The following CDH18 variants were observed in gnomAD, a reference collection of about 807,000 sequenced individuals.
CDH18 encodes cadherin 18.
CDH18 carries 31 observed loss-of-function variants against 67.9 expected under a neutral mutation model. The observed-to-expected ratio is 0.46, with a 90% CI of 0.34 to 0.62. The LOEUF (loss-of-function observed/expected upper bound fraction) is 0.62, where lower values mean the gene tolerates loss of function less well. Ranked by LOEUF, CDH18 falls within the 20% of genes least tolerant of loss-of-function variation. CDH18 has a pLI of 0.01. For missense variants in CDH18, 890 were observed against 975.5 expected (o/e 0.91, Z 1.17); for synonymous variants, 362 against 347.2 (o/e 1.04, Z -0.48).
chr5:20,293,807 T>C (rs2063230), intron 1 of CDH18, among the ~76,000 whole-genome samples: 17,776 of 152,178 alleles, frequency 0.12, 1,572 homozygotes, highest in African/African-American at 0.24. Flanking sequence ...TAGTGTATTA[T>C]AAAATATGAA....
chr5:20,024,058 A>G (rs1738675405), intron 2 of CDH18, among the ~76,000 whole-genome samples: 1 of 152,216 alleles, frequency 6.6e-6, no homozygotes, highest in Non-Finnish European at 1.5e-5. Flanking sequence ...GTGTTAAACA[A>G]ATGAATTCAC....
intron 2 of CDH18, among the ~76,000 whole-genome samples, chr5:20,095,689 A>G (rs1458539120): frequency 1.3e-5 from 2 of 152,040 alleles, no homozygotes; most frequent in South Asian, 4.1e-4. Context: ...ATATCCCAAA[A>G]TGAAGTCAAG....
In CDH18 at chr5:19,962,724, C is replaced by T. The variant is rs567979222; in HGVS notation, c.-257+18336G>A. ...CTGGGAGGCGGAGGTTGCAGTGAAC[C>T]GAGATTGCACCACCGCACTGCAGCC... On this transcript the variant is annotated intron_variant, in intron 2 of 12. Transcript: ENST00000382275. Among the ~76,000 whole-genome samples, 39 of 152,024 alleles carry T rather than the reference C, an allele frequency of 2.6e-4. No homozygotes were observed. In the East Asian group the frequency reaches 5.4e-3, roughly 21 times the overall value.
chr5:19,493,951 T>C (rs779304320), intron 11 of CDH18, among the ~76,000 whole-genome samples: 2 of 152,144 alleles, frequency 1.3e-5, no homozygotes, highest in Non-Finnish European at 2.9e-5. Context: ...GAAATACCAT[T>C]GCTTACTTGT....
At chr5:20,123,031 A>C (rs929510448) in intron 2 of CDH18, among the ~76,000 whole-genome samples, 3 of 148,122 alleles carry the variant, frequency 2.0e-5, no homozygotes, top group Non-Finnish European at 4.5e-5. Flanking sequence ...TATATATATA[A>C]ATATATAAAT....
intron 2 of CDH18, among the ~76,000 whole-genome samples, chr5:20,196,867 C>T (rs1365902454): frequency 6.6e-6 from 1 of 152,208 alleles, no homozygotes; most frequent in Non-Finnish European, 1.5e-5. Context: ...TTGTTTGCCA[C>T]ATGAGGCTTA....
Position 19,925,979 on chromosome 5 carries a change from T to C in CDH18, c.-257+55081A>G, listed in dbSNP as rs977903782. Among the ~76,000 whole-genome samples the C allele has an allele frequency of 7.2e-5, 11 of 152,348 alleles. No individual in the cohort carries two copies. The South Asian group carries it at 1.2e-3, about 17-fold the overall frequency. On this transcript the variant is annotated intron_variant, in intron 2 of 12. Coordinates refer to ENST00000382275, the MANE Select transcript of CDH18 (RefSeq NM_004934.5). ...AAGTTTTATAATAGATTCGTGTTTA[T>C]TTTATAGTAGCGAATAATAAAATGG... is the stretch of plus-strand genomic sequence containing the variant.
chr5:20,281,251 C>T (rs1382245865), intron 1 of CDH18, among the ~76,000 whole-genome samples: 24 of 152,230 alleles, frequency 1.6e-4, no homozygotes, highest in Non-Finnish European at 5.9e-5. Flanking sequence ...GTTGCCATTG[C>T]TTTTGGTGTT....
chr5:20,452,437 A>T (rs1229636533), intron 1 of CDH18, among the ~76,000 whole-genome samples: 1 of 152,158 alleles, frequency 6.6e-6, no homozygotes, highest in African/African-American at 2.4e-5. Context: ...GCACAAAAGA[A>T]TGAGATCACA....
chr5:20,075,161 C>T (rs998786596), intron 2 of CDH18, among the ~76,000 whole-genome samples: 3 of 152,054 alleles, frequency 2.0e-5, no homozygotes, highest in Non-Finnish European at 2.9e-5. Flanking sequence ...AACAGATTTC[C>T]CAATAACTCT....
rs112271244 is a variant in CDH18, at chr5:20,460,311, A to G, written c.-580+115151T>C. On this transcript the variant is annotated intron_variant, in intron 1 of 14. Transcript: ENST00000507958. The stretch of plus-strand genomic sequence containing the variant: ...GGAGGCTGAGGCAGGAGAATCGCTT[A>G]AACCCAGGAGGTGGAGGTTGCAGTG... Among the ~76,000 whole-genome samples, 926 of 151,848 alleles carry G rather than the reference A, an allele frequency of 6.1e-3. 9 individuals carry two copies. The highest frequency in any genetic ancestry group is 0.021 in the African/African-American group (889 of 41,436).
chr5:19,787,781 G>A (rs1201985375), intron 3 of CDH18, among the ~76,000 whole-genome samples: 1 of 147,404 alleles, frequency 6.8e-6, no homozygotes, highest in Non-Finnish European at 1.5e-5. Flanking sequence ...CCAGCACCAA[G>A]TGTCCAATGA....
chr5:19,829,291 A>G (rs1486970714), intron 3 of CDH18, among the ~76,000 whole-genome samples: 1 of 152,186 alleles, frequency 6.6e-6, no homozygotes, highest in African/African-American at 2.4e-5. Flanking sequence ...TGCAAATGAT[A>G]TAATCCTATA....
chr5:20,365,020 A>C (rs548057593), intron 1 of CDH18, among the ~76,000 whole-genome samples: 123 of 152,316 alleles, frequency 8.1e-4, no homozygotes, highest in African/African-American at 2.8e-3. Context: ...ATCTGCAGTA[A>C]TTCTTAATCT....
intron 1 of CDH18, among the ~76,000 whole-genome samples, chr5:20,554,214 G>T (rs1757785778): frequency 6.6e-6 from 1 of 152,140 alleles, no homozygotes; most frequent in Non-Finnish European, 1.5e-5. Context: ...GGTTGTTGAA[G>T]CTCGAATGTG....
intron 2 of CDH18, among the ~76,000 whole-genome samples, chr5:20,005,424 A>G (rs1054712063): frequency 3.4e-5 from 5 of 146,072 alleles, no homozygotes; most frequent in African/African-American, 1.2e-4. Context: ...GTACACACAC[A>G]CACACACACA....
intron 1 of CDH18, among the ~76,000 whole-genome samples, chr5:20,448,076 T>A (rs904653796): frequency 9.9e-5 from 15 of 151,130 alleles, no homozygotes; most frequent in African/African-American, 3.4e-4. Context: ...CAACAGGCCC[T>A]GGTGTGTGAT....
chr5:20,091,473 C>T (rs1265667727), intron 2 of CDH18, among the ~76,000 whole-genome samples: 1 of 152,144 alleles, frequency 6.6e-6, no homozygotes, highest in African/African-American at 2.4e-5. Context: ...ATTGGCACTC[C>T]AGCCTGGGTG....
At chr5:19,685,557 T>A (rs1760968442) in intron 5 of CDH18, among the ~76,000 whole-genome samples, 1 of 152,176 alleles carries the variant, frequency 6.6e-6, no homozygotes, top group Non-Finnish European at 1.5e-5. Context: ...GTTGCCAGGA[T>A]TTTTTCCCCA....
Sources: gnomAD v4.1 joint callset for allele counts (sites outside exome capture counted in the v4.1 genomes callset) on GRCh38, gnomAD v4.1.1 for gene constraint, MANE v1.5 for transcripts, NCBI Gene and HGNC (gene_info 2026-07-23, HGNC 2026-07-21) for gene names.